The following ACOX1 variants were observed in gnomAD, a reference collection of about 807,000 sequenced individuals.
ACOX1 encodes the protein acyl-CoA oxidase 1.
A neutral mutation model predicts 75.5 loss-of-function variants in ACOX1; 41 were observed. That is an observed-to-expected ratio of 0.54 (90% CI 0.42 to 0.70). ACOX1 has a LOEUF of 0.70. Among genes scored for constraint, ACOX1 ranks in the 30% least tolerant of loss-of-function variants. ACOX1 has a pLI of 0.00. For synonymous variants in ACOX1, 303 were observed against 298.8 expected, an observed-to-expected ratio of 1.01 and a Z score of -0.15; for missense variants, 630 against 837.5, an observed-to-expected ratio of 0.75 and a Z score of 3.06.
At chr17:75,967,611 TATAC>T (rs1385484318) in intron 2 of ACOX1, among the ~76,000 whole-genome samples, 2 of 138,710 alleles carry the variant, frequency 1.4e-5, no homozygotes, top group African/African-American at 5.8e-5. Flanking sequence ...TATATATATA[TATAC>T]ATACATATAT....
intron 2 of ACOX1, among the ~76,000 whole-genome samples, chr17:75,968,712 C>T (rs1295024962): frequency 6.6e-6 from 1 of 151,420 alleles, no homozygotes; most frequent in Non-Finnish European, 1.5e-5. Context: ...CACCTGAGGT[C>T]AGGAGTTCAA....
At chr17:75,968,694 G>A (rs892702580) in intron 2 of ACOX1, among the ~76,000 whole-genome samples, 1 of 151,248 alleles carries the variant, frequency 6.6e-6, no homozygotes, top group African/African-American at 2.4e-5. Flanking sequence ...AGGCTGAAGC[G>A]GGCGGATCAC....
intron 2 of ACOX1, among the ~76,000 whole-genome samples, chr17:75,975,818 T>G (rs8067237): frequency 0.21 from 32,115 of 150,048 alleles, 3,693 homozygotes; most frequent in African/African-American, 0.3. Flanking sequence ...GGCAGATGCC[T>G]CTTCACCTGC....
At chr17:75,957,370 G>A (rs2144262225) in intron 4 of ACOX1, 89 bp downstream of exon 4, 1 of 1,213,554 alleles carries the variant, frequency 8.2e-7, no homozygotes, top group Non-Finnish European at 1.2e-6. Flanking sequence ...ACCAAGTCTG[G>A]CCGACATTAT....
chr17:75,957,999 T>C (rs2065848682), intron 3 of ACOX1, among the ~76,000 whole-genome samples: 1 of 152,148 alleles, frequency 6.6e-6, no homozygotes, highest in Admixed American at 6.6e-5. Flanking sequence ...TTGAATTCTG[T>C]ACTAATGAGA....
rs902691710 is a variant in ACOX1 at position 75,978,311 on chromosome 17, T to G, written c.269+223A>C. ...GGTTTCACCGTGTTAGCCAGAATGGTCTCGATCTCCTGACTTGGTGATCCG... is the reference window on the plus strand; with the variant it reads ...GGTTTCACCGTGTTAGCCAGAATGGGCTCGATCTCCTGACTTGGTGATCCG... On this transcript the variant is annotated intron_variant, in intron 2 of 13. Transcript: ENST00000293217. The surrounding 1 kb of genome is among the most constrained non-coding windows in gnomAD (Gnocchi z 4.2). Among the ~76,000 whole-genome samples, 13 of 152,130 alleles carry G rather than the reference T, an allele frequency of 8.5e-5. No homozygotes were observed. The highest frequency in any genetic ancestry group is 1.8e-4 in the Non-Finnish European group (12 of 68,032).
Position 75,960,194 on chromosome 17 carries a change from G to T in ACOX1, c.430+21C>A. The stretch of plus-strand genomic sequence containing the variant: ...TCACAGGGGCCCGCCCAACCCAGAA[G>T]GTAGACTGAATACTCCATACCATGA... On this transcript the variant is annotated intron_variant, in intron 3 of 13. Coordinates refer to ENST00000293217, the MANE Select transcript of ACOX1 (RefSeq NM_004035.7). This position sits in a 1 kb window ranked among gnomAD's most constrained non-coding sequence, Gnocchi z 4.4. 6.2e-7 allele frequency: 1 copy of T among 1,613,846 alleles called. No individual in the cohort carries two copies. The highest frequency in any genetic ancestry group is 1.1e-5 in the South Asian group (1 of 91,052).
chr17:75,958,986 T>C (rs2065864934), intron 3 of ACOX1, among the ~76,000 whole-genome samples: 1 of 152,086 alleles, frequency 6.6e-6, no homozygotes, highest in South Asian at 2.1e-4. Context: ...GAGTTTCCAG[T>C]TTCTTATGTG....
At position 75,978,388 on chromosome 17, in the gene ACOX1, C is replaced by G. The variant is rs1190371787; in HGVS notation, c.269+146G>C. The stretch of plus-strand genomic sequence containing the variant: ...GATTACAGGCGTGAGCCACCGCGCC[C>G]GGCCACACATATAACTTTATAAAGT... On this transcript the variant is annotated intron_variant, in intron 2 of 13. Transcript: ENST00000293217. This position sits in a 1 kb window ranked among gnomAD's most constrained non-coding sequence, Gnocchi z 4.2. 1 of 1,144,906 alleles carries G rather than the reference C, an allele frequency of 8.7e-7. No homozygotes were observed. The allele number at this position is 1,144,906 out of a possible 1,614,324, so 70.9% of individuals were successfully genotyped here.
intron 2 of ACOX1, among the ~76,000 whole-genome samples, chr17:75,975,890 A>T (rs1404723877): frequency 6.6e-6 from 1 of 152,082 alleles, no homozygotes; most frequent in East Asian, 1.9e-4. Context: ...AGAGAGAGAA[A>T]GAAAAAGAAA....
chr17:75,959,858 T>A (rs1207303859), intron 3 of ACOX1, among the ~76,000 whole-genome samples: 1 of 152,122 alleles, frequency 6.6e-6, no homozygotes, highest in Non-Finnish European at 1.5e-5. Context: ...GTATCAGTAG[T>A]AAAGGTAATC....
chr17:75,949,743 C>G lies in ACOX1; in HGVS notation c.1453G>C (p.Glu485Gln). The change falls in exon 10 of 14, where the codon GAA becomes CAA. Residue 485 changes from glutamate to glutamine, a missense_variant. This residue lies in a region of ACOX1 where 240 missense variants were observed against 262.7 expected (regional missense o/e 0.91). Transcript: ENST00000293217. ...VDINSPESLT[E>Q]AYKLRAARLV... ...CTGGCTGCACGGAGTTTATATGCTT[C>G]GGTTAGGCTTTCGGGGCTGTTGATA... 1 of 1,614,142 alleles carries G rather than the reference C, an allele frequency of 6.2e-7. No homozygotes were observed.
chr17:75,955,434 A>G, intron 6 of ACOX1, 132 bp downstream of exon 6: 1 of 797,722 alleles, frequency 1.3e-6, no homozygotes, highest in Non-Finnish European at 2.1e-6. Flanking sequence ...AAGTGCTGGG[A>G]TAACAGGAAT....
At chr17:75,958,610 C>T (rs1015301292) in intron 3 of ACOX1, among the ~76,000 whole-genome samples, 9 of 151,664 alleles carry the variant, frequency 5.9e-5, no homozygotes, top group Admixed American at 6.6e-5. Context: ...AGATCGAGAC[C>T]ATCCTGGTTA....
intron 2 of ACOX1, among the ~76,000 whole-genome samples, chr17:75,965,283 A>G (rs1267060422): frequency 2.7e-5 from 4 of 147,184 alleles, no homozygotes; most frequent in African/African-American, 1.0e-4. Flanking sequence ...GCTGGCAGTG[A>G]GCCGAGATCG....
intron 6 of ACOX1, among the ~76,000 whole-genome samples, chr17:75,954,574 T>A (rs1395549959): frequency 6.9e-6 from 1 of 144,750 alleles, no homozygotes; most frequent in African/African-American, 2.6e-5. Context: ...GCTCCTTTTT[T>A]TTTTTTTTTT....
At chr17:75,973,453 T>C in intron 2 of ACOX1, 1 of 714,700 alleles carries the variant, frequency 1.4e-6, no homozygotes, top group Non-Finnish European at 2.5e-6. Context: ...GCCAGAGCCC[T>C]GGACCAGTTT....
At chr17:75,949,651 C>G (rs1215262414) in intron 10 of ACOX1, 51 bp from the exon 11 acceptor site, 1 of 1,612,882 alleles carries the variant, frequency 6.2e-7, no homozygotes, top group Non-Finnish European at 8.5e-7. Context: ...AGTACTCATG[C>G]CTTCTTGCCA....
In ACOX1 at chr17:75,973,497, G is replaced by C. The variant is rs1268672906; in HGVS notation, c.269+5037C>G. 8.8e-6 allele frequency: 9 copies of C among 1,021,584 alleles called. No homozygotes were observed. In the Admixed American group the frequency reaches 1.0e-4, roughly 11 times the overall value. The allele number at this position is 1,021,584 out of a possible 1,614,324, so 63.3% of individuals were successfully genotyped here. ...AATGTCTAGGAGAAAACAAGAAGTT[G>C]AATTTTGACTTAACAACTTAAAAAT... On this transcript the variant is annotated intron_variant, in intron 2 of 13. Coordinates refer to ENST00000293217, the MANE Select transcript of ACOX1 (RefSeq NM_004035.7).
Sources: allele counts gnomAD v4.1 joint callset (sites outside exome capture counted in the v4.1 genomes callset), GRCh38; gene constraint gnomAD v4.1.1; regional missense constraint gnomAD v4.1.1; non-coding constraint Gnocchi (gnomAD v3.1); transcripts MANE v1.5; gene names NCBI Gene and HGNC (gene_info 2026-07-23, HGNC 2026-07-21).